Variants in CREM observed in about 807,000 individuals in gnomAD.
CREM encodes cAMP-responsive element modulator.
A neutral mutation model predicts 37.3 loss-of-function variants in CREM; 13 were observed. The observed-to-expected ratio is 0.35, with a 90% CI of 0.23 to 0.55. CREM has a LOEUF of 0.55. Ranked by LOEUF, CREM falls within the 20% of genes least tolerant of loss-of-function variation. The probability of loss-of-function intolerance (pLI) is 0.88; values close to 1 mark genes in which losing one functional copy is unlikely to be tolerated. For synonymous variants in CREM, 124 were observed against 120.2 expected (o/e 1.03, Z -0.21); for missense variants, 296 against 362.3 (o/e 0.82, Z 1.49).
intron 3 of CREM, among the ~76,000 whole-genome samples, chr10:35,154,935 A>G (rs1259725397): frequency 1.3e-5 from 2 of 152,172 alleles, no homozygotes; most frequent in Non-Finnish European, 2.9e-5. Context: ...ATAATTTTGT[A>G]TATAATAGCT....
Position 35,211,897 on chromosome 10 carries a change from A to G in CREM, c.*499A>G. The G allele has an allele frequency of 8.3e-7, 1 of 1,202,830 alleles. No individual in the cohort carries two copies. The highest frequency in any genetic ancestry group is 1.1e-6 in the Non-Finnish European group (1 of 890,926). The allele number at this position is 1,202,830 out of a possible 1,614,324, so 74.5% of individuals were successfully genotyped here. ...AAGAATGGTGGCTTCTTTTCTTTGT[A>G]TCATTCATCTTCTTCTTTAATCACT... is the stretch of plus-strand genomic sequence containing the variant. On this transcript the variant is annotated 3_prime_UTR_variant, in exon 8 of 8. Coordinates refer to ENST00000685392, the MANE Select transcript of CREM (RefSeq NM_183011.2).
At chr10:35,128,079 C>T (rs2088332318) in intron 1 of CREM, among the ~76,000 whole-genome samples, 1 of 152,130 alleles carries the variant, frequency 6.6e-6, no homozygotes, top group Non-Finnish European at 1.5e-5. Flanking sequence ...TCCTGACCTT[C>T]CACCCACCTC....
At position 35,156,002 on chromosome 10, in the gene CREM, C is replaced by T. The variant is rs111946404; in HGVS notation, c.168+7511C>T. 4.0e-3 allele frequency among the ~76,000 whole-genome samples: 587 copies of T among 146,838 alleles called. 2 individuals carry two copies. Among genetic ancestry groups the T allele is most frequent in the South Asian group, 8.0e-3 (37 of 4,624 alleles). On this transcript the variant is annotated intron_variant, in intron 3 of 7. Coordinates refer to ENST00000685392, the MANE Select transcript of CREM (RefSeq NM_183011.2). ...TTGCCCAGGCTGGAGTGCAGTGGCG[C>T]GATCTCGGCTCACTGCAACGTCCAC... is the stretch of plus-strand genomic sequence containing the variant.
Position 35,161,006 on chromosome 10 carries a change from C to A in CREM, c.168+12515C>A, listed in dbSNP as rs572030650. On this transcript the variant is annotated intron_variant, in intron 3 of 7. Coordinates refer to ENST00000685392, the MANE Select transcript of CREM (RefSeq NM_183011.2). The stretch of plus-strand genomic sequence containing the variant: ...TACTCGCTGAAAGACCTGCCTGAGG[C>A]TGTTTTACAGTTAACTTTTTAAAAT... Among the ~76,000 whole-genome samples the A allele has an allele frequency of 2.6e-5, 4 of 152,244 alleles. No individual in the cohort carries two copies. In the East Asian group the frequency reaches 7.7e-4, roughly 29 times the overall value.
intron 1 of CREM, among the ~76,000 whole-genome samples, chr10:35,128,995 G>A (rs2088751637): frequency 1.3e-5 from 2 of 152,186 alleles, no homozygotes; most frequent in Non-Finnish European, 2.9e-5. Context: ...AAAGAACTAT[G>A]TATTGATCCC....
At chr10:35,155,069 AG>A (rs1589557375) in intron 3 of CREM, among the ~76,000 whole-genome samples, 2 of 152,198 alleles carry the variant, frequency 1.3e-5, no homozygotes, top group East Asian at 3.8e-4. Context: ...AGGTAATTTC[AG>A]GAAGTATAAA....
In CREM at chr10:35,201,471, C is replaced by T. The variant is rs1449034717; in HGVS notation, c.599-5424C>T. On this transcript the variant is annotated intron_variant, in intron 6 of 7. Transcript: ENST00000685392. ...TACAGATGAGGAAACTGAACTTGCCCCAAGTCACATGGCTGGTAAGTGGCA... is the reference window on the plus strand; with the variant it reads ...TACAGATGAGGAAACTGAACTTGCCTCAAGTCACATGGCTGGTAAGTGGCA... The T allele has an allele frequency of 7.1e-6, 11 of 1,551,518 alleles. No individual in the cohort carries two copies. In the South Asian group the frequency reaches 1.3e-4, roughly 18 times the overall value.
In CREM at chr10:35,141,054, A is replaced by G. The variant is rs1335350711; in HGVS notation, c.44+3175A>G. On this transcript the variant is annotated intron_variant, in intron 2 of 7. Transcript: ENST00000685392. ...CCTGGCTATGCCACTTAATACGTTCATGGTAAGATCAAATTCTTAACCTCC... is the reference window on the plus strand; with the variant it reads ...CCTGGCTATGCCACTTAATACGTTCGTGGTAAGATCAAATTCTTAACCTCC... 3.3e-5 allele frequency among the ~76,000 whole-genome samples: 5 copies of G among 152,208 alleles called. No homozygotes were observed. The East Asian group carries it at 5.8e-4, about 18-fold the overall frequency.
chr10:35,150,821 A>C (rs1028973588), intron 3 of CREM, among the ~76,000 whole-genome samples: 10 of 145,832 alleles, frequency 6.9e-5, no homozygotes, highest in Non-Finnish European at 1.4e-4. Flanking sequence ...ACCCTGTCTC[A>C]AAAAAAAAAA....
intron 1 of CREM, among the ~76,000 whole-genome samples, chr10:35,133,345 T>G (rs1478637376): frequency 1.3e-5 from 2 of 151,132 alleles, no homozygotes; most frequent in East Asian, 3.9e-4. Flanking sequence ...TCTCACTGTG[T>G]CACCCAGGTT....
intron 3 of CREM, among the ~76,000 whole-genome samples, chr10:35,157,320 C>T (rs1376811464): frequency 6.6e-6 from 1 of 152,052 alleles, no homozygotes; most frequent in Non-Finnish European, 1.5e-5. Flanking sequence ...AGCTTTTTCT[C>T]TAAGATCTGG....
chr10:35,143,026 A>C (rs1197820931), intron 2 of CREM, among the ~76,000 whole-genome samples: 1 of 152,216 alleles, frequency 6.6e-6, no homozygotes, highest in Non-Finnish European at 1.5e-5. Context: ...AATATACAGC[A>C]ATGGCACAAT....
At position 35,196,213 on chromosome 10, in the gene CREM, A is replaced by G. The variant is rs995634504; in HGVS notation, c.598+7825A>G. On this transcript the variant is annotated intron_variant, in intron 6 of 7. Coordinates refer to ENST00000685392, the MANE Select transcript of CREM (RefSeq NM_183011.2). ...CTTACTCCATCCTCTTACTCCATCT[A>G]TAGGAACTTGCGATTCAGAGCTCCT... The G allele has an allele frequency of 5.6e-5, 59 of 1,055,242 alleles. 1 individual carries two copies. Among genetic ancestry groups the G allele is most frequent in the Middle Eastern group, 2.0e-4 (1 of 4,942 alleles). The allele number at this position is 1,055,242 out of a possible 1,614,324, so 65.4% of individuals were successfully genotyped here.
chr10:35,143,928 G>A (rs920693665), intron 2 of CREM, among the ~76,000 whole-genome samples: 5 of 152,200 alleles, frequency 3.3e-5, no homozygotes, highest in African/African-American at 9.7e-5. Flanking sequence ...AGGAGAACAG[G>A]AGTGAGGGAT....
At chr10:35,147,543 T>G (rs891530596) in intron 2 of CREM, among the ~76,000 whole-genome samples, 3 of 152,104 alleles carry the variant, frequency 2.0e-5, no homozygotes, top group African/African-American at 7.2e-5. Flanking sequence ...TTTCAATAAT[T>G]GGGGCTTGTT....
At chr10:35,169,825 G>A (rs1475085347) in intron 3 of CREM, among the ~76,000 whole-genome samples, 1 of 152,044 alleles carries the variant, frequency 6.6e-6, no homozygotes, top group African/African-American at 2.4e-5. Context: ...TTTGTCAAAG[G>A]CCTTTTCTGC....
chr10:35,148,747 C>T (rs377329761), intron 3 of CREM: 2 of 342,208 alleles, frequency 5.8e-6, no homozygotes, highest in Middle Eastern at 8.0e-4. Flanking sequence ...ATGTAATCCT[C>T]AAAGTATGAT....
At chr10:35,201,209 T>G (rs1287817073) in intron 6 of CREM, among the ~76,000 whole-genome samples, 2 of 152,242 alleles carry the variant, frequency 1.3e-5, no homozygotes, top group Non-Finnish European at 2.9e-5. Context: ...TTGGATTCCC[T>G]GGGTTTGTCA....
intron 1 of CREM, among the ~76,000 whole-genome samples, chr10:35,129,976 C>T (rs1319639149): frequency 2.0e-5 from 3 of 151,812 alleles, no homozygotes; most frequent in Non-Finnish European, 2.9e-5. Flanking sequence ...GCAGGCGGAT[C>T]GCCTGAGGTC....
Sources: allele counts gnomAD v4.1 joint callset (sites outside exome capture counted in the v4.1 genomes callset), GRCh38; gene constraint gnomAD v4.1.1; transcripts MANE v1.5; gene names NCBI Gene and HGNC (gene_info 2026-07-23, HGNC 2026-07-21).